The following ZNF804B variants were observed in gnomAD, a reference collection of about 807,000 sequenced individuals.
ZNF804B encodes the protein zinc finger protein 804B.
ZNF804B carries 80 observed loss-of-function variants against 101.4 expected under a neutral mutation model. That is an observed-to-expected ratio of 0.79 (90% CI 0.66 to 0.95). The LOEUF is 0.95. Among genes scored for constraint, ZNF804B ranks in the 40% least tolerant of loss-of-function variants. The probability of loss-of-function intolerance (pLI) is 0.00; values close to 1 mark genes in which losing one functional copy is unlikely to be tolerated. For synonymous variants in ZNF804B, 622 were observed against 558.8 expected, an observed-to-expected ratio of 1.11 and a Z score of -1.59; for missense variants, 1,673 against 1,561.9, an observed-to-expected ratio of 1.07 and a Z score of -1.20.
chr7:89,228,721 C>T (rs1162286104), intron 2 of ZNF804B, among the ~76,000 whole-genome samples: 1 of 152,218 alleles, frequency 6.6e-6, no homozygotes, highest in African/African-American at 2.4e-5. Flanking sequence ...GGATCCCACA[C>T]CGGGGTGCAG....
chr7:89,124,805 A>G (rs867438829), intron 1 of ZNF804B, among the ~76,000 whole-genome samples: 25 of 150,394 alleles, frequency 1.7e-4, no homozygotes, highest in African/African-American at 3.4e-4. Flanking sequence ...GACTAATAGA[A>G]TTTTTTTTTT....
chr7:89,211,113 A>G (rs1267383999), intron 1 of ZNF804B, among the ~76,000 whole-genome samples: 2 of 152,134 alleles, frequency 1.3e-5, no homozygotes, highest in African/African-American at 4.8e-5. Flanking sequence ...GCTTTCATTC[A>G]TATGTTTATT....
intron 1 of ZNF804B, among the ~76,000 whole-genome samples, chr7:88,982,773 T>A (rs1793709826): frequency 1.3e-5 from 2 of 152,014 alleles, no homozygotes; most frequent in South Asian, 4.1e-4. Context: ...ACCCACATTA[T>A]GACAGAATGT....
chr7:89,234,220 A>G (rs1268434802), intron 2 of ZNF804B, among the ~76,000 whole-genome samples: 1 of 152,086 alleles, frequency 6.6e-6, no homozygotes, highest in Non-Finnish European at 1.5e-5. Context: ...TATATATGTT[A>G]AATGATCTGT....
chr7:88,785,558 T>A (rs997250691), intron 1 of ZNF804B, among the ~76,000 whole-genome samples: 17 of 152,102 alleles, frequency 1.1e-4, no homozygotes, highest in African/African-American at 3.1e-4. Context: ...TAAAACTGCT[T>A]TCCATTTCTA....
At chr7:88,919,920 GT>G (rs1489759392) in intron 1 of ZNF804B, among the ~76,000 whole-genome samples, 1 of 152,050 alleles carries the variant, frequency 6.6e-6, no homozygotes, top group Middle Eastern at 3.2e-3. Flanking sequence ...GCCACCAGAG[GT>G]GAAGGTCTAT....
At chr7:88,932,500 T>A (rs189241852) in intron 1 of ZNF804B, among the ~76,000 whole-genome samples, 3 of 151,378 alleles carry the variant, frequency 2.0e-5, no homozygotes, top group Non-Finnish European at 4.4e-5. Flanking sequence ...TGACCATTAG[T>A]GAGATTAACC....
intron 2 of ZNF804B, among the ~76,000 whole-genome samples, chr7:89,265,294 G>A (rs1233977674): frequency 2.2e-5 from 2 of 89,248 alleles, no homozygotes; most frequent in South Asian, 3.8e-4. Flanking sequence ...GTGTGTGTGT[G>A]CGCGTGCGCG....
intron 1 of ZNF804B, among the ~76,000 whole-genome samples, chr7:89,177,183 G>A (rs1584034419): frequency 6.6e-6 from 1 of 151,904 alleles, no homozygotes; most frequent in East Asian, 1.9e-4. Flanking sequence ...TGCTTTTTTA[G>A]TTATTTAAGA....
intron 1 of ZNF804B, among the ~76,000 whole-genome samples, chr7:89,024,195 G>A (rs930358075): frequency 6.6e-6 from 1 of 152,130 alleles, no homozygotes; most frequent in African/African-American, 2.4e-5. Context: ...TTAAGAAAAA[G>A]CATACATGGC....
At chr7:89,068,722 C>T (rs912646299) in intron 1 of ZNF804B, among the ~76,000 whole-genome samples, 45 of 152,114 alleles carry the variant, frequency 3.0e-4, no homozygotes, top group African/African-American at 8.9e-4. Context: ...ACATTGTGAA[C>T]GAGACTCTGT....
chr7:89,281,205 T>G lies in ZNF804B; in HGVS notation c.250-46139T>G, dbSNP rs1327823849. ...ATGATAAGTTGGCATGGTTATAAAT[T>G]TATTATCAAAGTTGGGTTTAAAATA... On this transcript the variant is annotated intron_variant, in intron 2 of 3. Transcript: ENST00000333190. 2.0e-5 allele frequency among the ~76,000 whole-genome samples: 3 copies of G among 152,288 alleles called. No homozygotes were observed. The East Asian group carries it at 5.8e-4, about 29-fold the overall frequency.
chr7:89,334,460 A>G lies in ZNF804B; in HGVS notation c.1478A>G (p.Asn493Ser), dbSNP rs1791040482. 2.5e-6 allele frequency: 4 copies of G among 1,613,788 alleles called. No homozygotes were observed. The highest frequency in any genetic ancestry group is 3.4e-6 in the Non-Finnish European group (4 of 1,179,834). Residue 493 changes from asparagine (N) to serine (S), a missense_variant, in exon 4 of 4, where the codon AAT (asparagine) becomes AGT (serine). Physicochemically the swap from Asn to Ser is conservative, Grantham distance 46 (BLOSUM62 1). Transcript: ENST00000333190. ...KLSRNTKEDH[N>S]LEDLKTELGK... is the part of the protein sequence containing the mutation. Reference sequence around the variant, plus strand: ...TCTCGGAACACAAAGGAAGACCACAATCTAGAGGACTTAAAAACAGAATTG... The same window carrying G: ...TCTCGGAACACAAAGGAAGACCACAGTCTAGAGGACTTAAAAACAGAATTG...
chr7:89,097,322 T>A (rs1024651171), intron 1 of ZNF804B, among the ~76,000 whole-genome samples: 2 of 152,192 alleles, frequency 1.3e-5, no homozygotes, highest in Non-Finnish European at 2.9e-5. Flanking sequence ...AGTGTGGATG[T>A]TTGTAATATA....
chr7:89,321,789 C>T (rs1318726516), intron 2 of ZNF804B, among the ~76,000 whole-genome samples: 1 of 151,566 alleles, frequency 6.6e-6, no homozygotes, highest in East Asian at 1.9e-4. Context: ...AACACAAGAT[C>T]CAAATAAATG....
At chr7:88,942,532 T>TG (rs1562839187) in intron 1 of ZNF804B, among the ~76,000 whole-genome samples, 193 of 140,980 alleles carry the variant, frequency 1.4e-3, no homozygotes, top group African/African-American at 4.9e-3. Context: ...GTGTGTGTGT[T>TG]TTGCATTGAA....
At chr7:88,931,677 G>A (rs1792888273) in intron 1 of ZNF804B, among the ~76,000 whole-genome samples, 1 of 151,550 alleles carries the variant, frequency 6.6e-6, no homozygotes, top group South Asian at 2.1e-4. Flanking sequence ...CCCTTTGATT[G>A]TATGCTCCAT....
In ZNF804B at chr7:88,975,356, C is replaced by T. The variant is rs570324808; in HGVS notation, c.108+215272C>T. Among the ~76,000 whole-genome samples the T allele has an allele frequency of 1.3e-3, 196 of 151,440 alleles. 1 individual carries two copies. The highest frequency in any genetic ancestry group is 4.1e-3 in the African/African-American group (170 of 41,460). On this transcript the variant is annotated intron_variant, in intron 1 of 3. Transcript: ENST00000333190. ...TTTAGTCTTTTGAGGAACCTTCATTCCATTCTTCATAGTGATGTTACTAAG... is the reference window on the plus strand; with the variant it reads ...TTTAGTCTTTTGAGGAACCTTCATTTCATTCTTCATAGTGATGTTACTAAG...
intron 1 of ZNF804B, among the ~76,000 whole-genome samples, chr7:88,906,751 T>A (rs1300376169): frequency 6.6e-6 from 1 of 152,112 alleles, no homozygotes; most frequent in Non-Finnish European, 1.5e-5. Context: ...CTAGTTCTAA[T>A]TGGTCAGGTG....
Sources: gnomAD v4.1 joint callset for allele counts (sites outside exome capture counted in the v4.1 genomes callset) on GRCh38, gnomAD v4.1.1 for gene constraint, MANE v1.5 for transcripts, NCBI Gene and HGNC (gene_info 2026-07-23, HGNC 2026-07-21) for gene names.